Variants in COL26A1 observed in about 807,000 individuals in gnomAD.
COL26A1 encodes the protein collagen type XXVI alpha 1 chain.
COL26A1 carries 41 observed loss-of-function variants against 59.3 expected under a neutral mutation model. That is an observed-to-expected ratio of 0.69 (90% CI 0.54 to 0.90). The LOEUF is 0.90. Among genes scored for constraint, COL26A1 ranks in the 40% least tolerant of loss-of-function variants. COL26A1 has a pLI of 0.00. For synonymous variants in COL26A1, 266 were observed against 256.0 expected, an observed-to-expected ratio of 1.04 and a Z score of -0.37; for missense variants, 612 against 602.3, an observed-to-expected ratio of 1.02 and a Z score of -0.17.
chr7:101,551,922 T>C (rs909283095), intron 10 of COL26A1, among the ~76,000 whole-genome samples: 7 of 152,096 alleles, frequency 4.6e-5, no homozygotes, highest in Non-Finnish European at 1.0e-4. Context: ...CCACAGCGCA[T>C]GTAAGCTTCA....
intron 1 of COL26A1, among the ~76,000 whole-genome samples, chr7:101,408,336 G>A (rs944057368): frequency 8.5e-5 from 13 of 152,196 alleles, no homozygotes; most frequent in Admixed American, 4.6e-4. Flanking sequence ...CTCTTTCAGC[G>A]TTGTCCCCAG....
chr7:101,507,889 T>A (rs552632799), intron 3 of COL26A1, among the ~76,000 whole-genome samples: 1 of 152,292 alleles, frequency 6.6e-6, no homozygotes, highest in Non-Finnish European at 1.5e-5. Flanking sequence ...CTGGTCCCTG[T>A]GGTTTCTTTG....
chr7:101,547,298 G>A, intron 8 of COL26A1, 59 bp downstream of exon 8: 1 of 1,257,260 alleles, frequency 8.0e-7, no homozygotes, highest in Non-Finnish European at 1.1e-6. Flanking sequence ...GCTGGCCTGA[G>A]CCATGGGGCC....
intron 1 of COL26A1, among the ~76,000 whole-genome samples, chr7:101,366,568 A>T (rs987328957): frequency 2.1e-4 from 28 of 136,356 alleles, no homozygotes; most frequent in Middle Eastern, 4.5e-3. Context: ...TGGTGCAATC[A>T]TAGCTCACTG....
intron 3 of COL26A1, among the ~76,000 whole-genome samples, chr7:101,464,208 C>T (rs1793701123): frequency 6.6e-6 from 1 of 151,982 alleles, no homozygotes; most frequent in African/African-American, 2.4e-5. Context: ...TCAAGTGATC[C>T]TCCCATATCA....
At chr7:101,527,616 G>A (rs1402041407) in intron 3 of COL26A1, among the ~76,000 whole-genome samples, 1 of 152,138 alleles carries the variant, frequency 6.6e-6, no homozygotes, top group East Asian at 1.9e-4. Flanking sequence ...TTACAGGCGT[G>A]AGCCACCACG....
At chr7:101,551,238 T>TTGGGGGGGGGGGGGGGGGGGGGGGGGGTC in intron 10 of COL26A1, 95 bp downstream of exon 10, 1 of 491,354 alleles carries the variant, frequency 2.0e-6, no homozygotes, top group African/African-American at 2.1e-5. Flanking sequence ...GGTGGGGGGG[T>TTGGGGGGGGGGGGGGGGGGGGGGGGGGTC]TCAGCCCTGG....
Position 101,489,838 on chromosome 7 carries a change from CTTTCTTTCTTTCTTTCTT to C in COL26A1, c.385+42053_385+42070del. On this transcript the variant is annotated intron_variant, in intron 3 of 12. Transcript: ENST00000313669. ...TCTTTCTTTCTTTCTTTCTTTCTTT[CTTTCTTTCTTTCTTTCTT>C]TCTTTCTTTCTTTCTTTCTTTCTTT... 1.7e-3 allele frequency among the ~76,000 whole-genome samples: 30 copies of C among 18,032 alleles called. 3 individuals carry two copies. The highest frequency in any genetic ancestry group is 0.011 in the African/African-American group (27 of 2,476). 11.8% of individuals were successfully genotyped at this position (18,032 alleles called of 152,430 possible). A position where few individuals can be genotyped will look rare whatever the true frequency, so the allele number is the denominator to read the frequency against.
chr7:101,386,561 A>T (rs920323974), intron 1 of COL26A1, among the ~76,000 whole-genome samples: 1 of 152,226 alleles, frequency 6.6e-6, no homozygotes, highest in Admixed American at 6.5e-5. Flanking sequence ...CCTGGGGGTC[A>T]GGAGCCCTGT....
intron 4 of COL26A1, among the ~76,000 whole-genome samples, chr7:101,537,485 C>G (rs995321294): frequency 3.3e-5 from 5 of 152,202 alleles, no homozygotes; most frequent in East Asian, 1.9e-4. Context: ...TGGCTGCCCA[C>G]CCGGGTGAGC....
chr7:101,389,232 G>A (rs1371406044), intron 1 of COL26A1, among the ~76,000 whole-genome samples: 1 of 152,038 alleles, frequency 6.6e-6, no homozygotes, highest in Non-Finnish European at 1.5e-5. Context: ...GTGCTTGCTG[G>A]CCATTTGTAT....
At chr7:101,501,185 C>CAAAAAAAAAA (rs58672929) in intron 3 of COL26A1, among the ~76,000 whole-genome samples, 3 of 74,400 alleles carry the variant, frequency 4.0e-5, no homozygotes, top group African/African-American at 4.9e-5. Context: ...GACTCCGTCT[C>CAAAAAAAAAA]AAAAAAAAAA....
intron 1 of COL26A1, among the ~76,000 whole-genome samples, chr7:101,369,130 G>T (rs1161185596): frequency 3.3e-5 from 5 of 152,002 alleles, no homozygotes; most frequent in Non-Finnish European, 5.9e-5. Flanking sequence ...AAGATGGGGG[G>T]GCATGATGAC....
intron 1 of COL26A1, among the ~76,000 whole-genome samples, chr7:101,416,540 T>C (rs1792373890): frequency 7.0e-6 from 1 of 143,596 alleles, no homozygotes; most frequent in Admixed American, 7.0e-5. Flanking sequence ...TACTACTATA[T>C]AGATGTTGGT....
chr7:101,437,341 G>A (rs1792939615), intron 2 of COL26A1, among the ~76,000 whole-genome samples: 2 of 151,838 alleles, frequency 1.3e-5, no homozygotes, highest in African/African-American at 4.8e-5. Context: ...CAGAGACAGA[G>A]CACATGCACA....
chr7:101,538,378 A>G (rs540215190), intron 4 of COL26A1, among the ~76,000 whole-genome samples: 1 of 152,270 alleles, frequency 6.6e-6, no homozygotes, highest in Admixed American at 6.5e-5. Context: ...GGGAGGATAA[A>G]CTGTGGTTTG....
intron 3 of COL26A1, among the ~76,000 whole-genome samples, chr7:101,505,348 A>G (rs779024286): frequency 4.6e-5 from 7 of 151,876 alleles, no homozygotes; most frequent in Non-Finnish European, 7.4e-5. Flanking sequence ...GCATGGGTGC[A>G]TGTGTGTGCC....
At chr7:101,437,752 T>C (rs1401894704) in intron 2 of COL26A1, among the ~76,000 whole-genome samples, 1 of 151,638 alleles carries the variant, frequency 6.6e-6, no homozygotes, top group Non-Finnish European at 1.5e-5. Flanking sequence ...TTTTTTTTTT[T>C]TTTTTAAGAG....
chr7:101,514,700 C>T (rs1794992985), intron 3 of COL26A1, among the ~76,000 whole-genome samples: 1 of 152,208 alleles, frequency 6.6e-6, no homozygotes, highest in Non-Finnish European at 1.5e-5. Flanking sequence ...AGCGCCTGGG[C>T]CCAGCCTGCA....
Sources: gnomAD v4.1 joint callset for allele counts (sites outside exome capture counted in the v4.1 genomes callset) on GRCh38, gnomAD v4.1.1 for gene constraint, MANE v1.5 for transcripts, NCBI Gene and HGNC (gene_info 2026-07-23, HGNC 2026-07-21) for gene names.